LY86: variants seen among roughly 807,000 people sequenced by gnomAD.
LY86 encodes the protein MD-1, RP105-associated.
Under a neutral mutation model 17.3 loss-of-function variants are expected in LY86, and 20 were observed. The ratio of observed to expected loss-of-function variants is 1.15; its 90% CI spans 0.81 to 1.68. LY86 has a LOEUF of 1.68. Among genes scored for constraint, LY86 ranks in the 40% most tolerant of loss-of-function variants. The probability of loss-of-function intolerance (pLI) is 0.00; values close to 1 mark genes in which losing one functional copy is unlikely to be tolerated. For synonymous variants in LY86, 74 were observed against 70.6 expected, an observed-to-expected ratio of 1.05 and a Z score of -0.24; for missense variants, 200 against 191.9, an observed-to-expected ratio of 1.04 and a Z score of -0.25.
chr6:6,638,961 A>C (rs2113154493), intron 3 of LY86, among the ~76,000 whole-genome samples: 1 of 152,040 alleles, frequency 6.6e-6, no homozygotes, highest in South Asian at 2.1e-4. Context: ...ATGCTGCTAT[A>C]AAGACACATG....
intron 3 of LY86, among the ~76,000 whole-genome samples, chr6:6,632,062 C>T (rs3804480): frequency 0.18 from 26,876 of 152,126 alleles, 3,004 homozygotes; most frequent in African/African-American, 0.33. Context: ...CACAGGTATG[C>T]GGGGGCTGTC....
intron 1 of LY86, among the ~76,000 whole-genome samples, chr6:6,612,308 C>T (rs749267806): frequency 5.3e-5 from 8 of 152,198 alleles, no homozygotes; most frequent in Admixed American, 3.9e-4. Flanking sequence ...GCCTTGCTAA[C>T]TTCAGGCGTG....
chr6:6,651,277 G>T (rs1331830492), intron 4 of LY86, among the ~76,000 whole-genome samples: 1 of 152,166 alleles, frequency 6.6e-6, no homozygotes, highest in Non-Finnish European at 1.5e-5. Flanking sequence ...TGAAGAAAAA[G>T]GTCTCTTTCT....
chr6:6,600,220 C>T (rs1028853523), intron 1 of LY86, among the ~76,000 whole-genome samples: 5 of 132,116 alleles, frequency 3.8e-5, no homozygotes. Context: ...CTGCCTTCCT[C>T]TGTGATAGGA....
At chr6:6,591,628 G>A (rs911620601) in intron 1 of LY86, 6 of 153,376 alleles carry the variant, frequency 3.9e-5, no homozygotes, top group African/African-American at 1.4e-4. Context: ...GAGGGATAAA[G>A]ATGTTATGAC....
intron 3 of LY86, among the ~76,000 whole-genome samples, chr6:6,634,570 T>C (rs1033432398): frequency 7.9e-5 from 12 of 152,216 alleles, no homozygotes; most frequent in African/African-American, 2.7e-4. Flanking sequence ...TGGGTGCTTG[T>C]GGTTACCCAT....
At chr6:6,605,900 G>A (rs113671855) in intron 1 of LY86, among the ~76,000 whole-genome samples, 11 of 152,128 alleles carry the variant, frequency 7.2e-5, no homozygotes, top group African/African-American at 1.7e-4. Flanking sequence ...TCTTAGTCTC[G>A]CTGGCTTCAG....
intron 1 of LY86, 81 bp downstream of exon 1, chr6:6,588,951 T>C (rs1350075096): frequency 1.4e-6 from 2 of 1,457,044 alleles, no homozygotes; most frequent in Non-Finnish European, 9.1e-7. Flanking sequence ...TCAGTTGGAG[T>C]TGGGGTGGGA....
chr6:6,602,618 GAAA>G (rs1760944881), intron 1 of LY86, among the ~76,000 whole-genome samples: 1 of 152,154 alleles, frequency 6.6e-6, no homozygotes, highest in South Asian at 2.1e-4. Flanking sequence ...AGACAGGGAA[GAAA>G]AAGAAGCCAG....
chr6:6,590,646 T>G (rs1760495319), intron 1 of LY86, among the ~76,000 whole-genome samples: 1 of 152,182 alleles, frequency 6.6e-6, no homozygotes, highest in African/African-American at 2.4e-5. Context: ...TTAGAGGGAC[T>G]GGCTTGTGCA....
intron 1 of LY86, among the ~76,000 whole-genome samples, chr6:6,613,470 G>A (rs1381396117): frequency 6.6e-6 from 1 of 152,202 alleles, no homozygotes; most frequent in Non-Finnish European, 1.5e-5. Flanking sequence ...GAGAAATCGA[G>A]CACAGCAGCT....
At chr6:6,602,592 G>A (rs1013970600) in intron 1 of LY86, among the ~76,000 whole-genome samples, 16 of 152,192 alleles carry the variant, frequency 1.1e-4, no homozygotes, top group African/African-American at 3.6e-4. Context: ...GTAGGCACCA[G>A]GAGAGTGAAG....
At chr6:6,595,696 A>G (rs931226578) in intron 1 of LY86, among the ~76,000 whole-genome samples, 3 of 152,194 alleles carry the variant, frequency 2.0e-5, no homozygotes, top group African/African-American at 7.2e-5. Context: ...TCTAGAAATG[A>G]CATCTTCCAA....
intron 1 of LY86, chr6:6,620,916 C>G (rs935779001): frequency 1.3e-5 from 2 of 152,286 alleles, no homozygotes; most frequent in African/African-American, 4.8e-5. Flanking sequence ...TCTCCTAGAG[C>G]TCTTCCTCAC....
intron 1 of LY86, among the ~76,000 whole-genome samples, chr6:6,622,002 A>T (rs1480263695): frequency 1.3e-5 from 2 of 152,008 alleles, no homozygotes; most frequent in African/African-American, 4.8e-5. Context: ...CCCCAAGAGG[A>T]CCACAAACTG....
intron 3 of LY86, among the ~76,000 whole-genome samples, chr6:6,647,087 G>T (rs1239668143): frequency 6.6e-6 from 1 of 152,196 alleles, no homozygotes; most frequent in African/African-American, 2.4e-5. Context: ...AAAAATGAAA[G>T]TAATCAGTCA....
Position 6,610,196 on chromosome 6 carries a change from A to G in LY86, c.137-14730A>G, listed in dbSNP as rs966584714. On this transcript the variant is annotated intron_variant, in intron 1 of 4. Coordinates refer to ENST00000230568, the MANE Select transcript of LY86 (RefSeq NM_004271.4). ...AACCTGAGTACAGTCTGTAGAGTAC[A>G]CCAGTGTCAATGACTAGGTTTTGAT... Among the ~76,000 whole-genome samples, 8 of 152,350 alleles carry G rather than the reference A, an allele frequency of 5.3e-5. No homozygotes were observed. In the South Asian group the frequency reaches 1.7e-3, roughly 32 times the overall value.
intron 1 of LY86, among the ~76,000 whole-genome samples, chr6:6,623,620 T>G (rs1386768949): frequency 6.6e-6 from 1 of 152,136 alleles, no homozygotes; most frequent in Non-Finnish European, 1.5e-5. Flanking sequence ...GGCCCATCCA[T>G]TCACTCAACA....
intron 3 of LY86, among the ~76,000 whole-genome samples, chr6:6,635,301 T>A (rs1450674231): frequency 6.6e-6 from 1 of 152,248 alleles, no homozygotes; most frequent in Admixed American, 6.5e-5. Flanking sequence ...ATACCTATGA[T>A]AAAATTCAAT....
Sources: gnomAD v4.1 joint callset for allele counts (sites outside exome capture counted in the v4.1 genomes callset) on GRCh38, gnomAD v4.1.1 for gene constraint, MANE v1.5 for transcripts, NCBI Gene and HGNC (gene_info 2026-07-23, HGNC 2026-07-21) for gene names.